Variants in CCNY observed in about 807,000 individuals in gnomAD.
CCNY encodes the protein cyclin Y, also known as cyclin-Y.
CCNY carries 19 observed loss-of-function variants against 42.8 expected under a neutral mutation model. The observed-to-expected ratio is 0.44, with a 90% CI of 0.31 to 0.65. The LOEUF is 0.65. Among genes scored for constraint, CCNY ranks in the 30% least tolerant of loss-of-function variants. The pLI, the probability that CCNY is intolerant of heterozygous loss-of-function variation, is 0.07. For synonymous variants in CCNY, 165 were observed against 162.7 expected (o/e 1.01, Z -0.11); for missense variants, 370 against 437.3 (o/e 0.85, Z 1.37).
intron 1 of CCNY, among the ~76,000 whole-genome samples, chr10:35,414,901 T>A (rs1009278833): frequency 6.6e-6 from 1 of 152,172 alleles, no homozygotes; most frequent in African/African-American, 2.4e-5. Flanking sequence ...GCAATTGAGC[T>A]GAAGCCTTGT....
At chr10:35,408,694 A>G (rs888165986) in intron 1 of CCNY, among the ~76,000 whole-genome samples, 2 of 152,126 alleles carry the variant, frequency 1.3e-5, no homozygotes, top group African/African-American at 4.8e-5. Flanking sequence ...GGCCATCTGG[A>G]TGTATACGTG....
chr10:35,532,176 C>A (rs1291773684), intron 7 of CCNY, among the ~76,000 whole-genome samples: 1 of 152,216 alleles, frequency 6.6e-6, no homozygotes, highest in African/African-American at 2.4e-5. Flanking sequence ...CAGCTGCATG[C>A]TTGTGGGTAG....
chr10:35,502,141 C>G (rs1840123294), intron 3 of CCNY, among the ~76,000 whole-genome samples: 1 of 152,216 alleles, frequency 6.6e-6, no homozygotes, highest in Admixed American at 6.5e-5. Flanking sequence ...TACTTCATCC[C>G]TCTTCCTTCC....
chr10:35,355,131 C>T (rs758779558), intron 1 of CCNY, among the ~76,000 whole-genome samples: 9 of 152,062 alleles, frequency 5.9e-5, no homozygotes, highest in Middle Eastern at 3.4e-3. Context: ...GTTTGGGGTA[C>T]GGACATGAGT....
intron 3 of CCNY, among the ~76,000 whole-genome samples, chr10:35,286,988 A>T (rs1435548757): frequency 6.6e-6 from 1 of 152,214 alleles, no homozygotes; most frequent in Non-Finnish European, 1.5e-5. Context: ...TTTCTCTATC[A>T]AAAAGAGCAA....
intron 1 of CCNY, among the ~76,000 whole-genome samples, chr10:35,395,242 G>A (rs1178939917): frequency 6.6e-6 from 1 of 152,158 alleles, no homozygotes; most frequent in African/African-American, 2.4e-5. Context: ...GAAAAGCTAT[G>A]TGTTGTTCCA....
chr10:35,447,231 C>A (rs565572036), intron 1 of CCNY, among the ~76,000 whole-genome samples: 1 of 152,194 alleles, frequency 6.6e-6, no homozygotes, highest in African/African-American at 2.4e-5. Flanking sequence ...GAGCTGAGAT[C>A]GTGCCACCGC....
At chr10:35,536,050 G>T (rs1840879835) in intron 7 of CCNY, among the ~76,000 whole-genome samples, 1 of 152,206 alleles carries the variant, frequency 6.6e-6, no homozygotes, top group Non-Finnish European at 1.5e-5. Flanking sequence ...GTTTGGCTGT[G>T]TCCCCACCCA....
chr10:35,541,191 T>C (rs1453797892), intron 7 of CCNY, among the ~76,000 whole-genome samples: 1 of 152,186 alleles, frequency 6.6e-6, no homozygotes, highest in African/African-American at 2.4e-5. Context: ...TGGGTTATAC[T>C]TTCATTTCCA....
At chr10:35,406,175 CTTTTTCTTTTTT>C (rs1459104332) in intron 1 of CCNY, among the ~76,000 whole-genome samples, 1 of 111,184 alleles carries the variant, frequency 9.0e-6, no homozygotes, top group African/African-American at 3.7e-5. Flanking sequence ...ATTTTTGGAG[CTTTTTCTTTTTT>C]TTTTTCTTTT....
chr10:35,478,396 A>C (rs1423342728), intron 1 of CCNY, among the ~76,000 whole-genome samples: 5 of 151,798 alleles, frequency 3.3e-5, no homozygotes, highest in Admixed American at 2.0e-4. Flanking sequence ...CTATACTACA[A>C]GGCTACAGTA....
chr10:35,407,030 A>G (rs536849428), intron 1 of CCNY, among the ~76,000 whole-genome samples: 2 of 152,370 alleles, frequency 1.3e-5, no homozygotes, highest in Non-Finnish European at 2.9e-5. Context: ...GTTGTTGTCA[A>G]ACAGGCCTTG....
At chr10:35,357,243 G>A (rs1192530000) in intron 1 of CCNY, among the ~76,000 whole-genome samples, 1 of 113,514 alleles carries the variant, frequency 8.8e-6, no homozygotes, top group Non-Finnish European at 1.7e-5. Context: ...TTACCTTTAT[G>A]AGGTAATGTT....
Position 35,480,326 on chromosome 10 carries a change from A to C in CCNY, c.155-3078A>C, listed in dbSNP as rs549854901. On this transcript the variant is annotated intron_variant, in intron 1 of 9. Coordinates refer to ENST00000374704, the MANE Select transcript of CCNY (RefSeq NM_145012.6). Reference sequence around the variant, plus strand: ...ACCTTTCATAGGGAGAGTGTGAGACATAATCCTGCTGCTTGGCTTCCCCCA... The same window carrying C: ...ACCTTTCATAGGGAGAGTGTGAGACCTAATCCTGCTGCTTGGCTTCCCCCA... Among the ~76,000 whole-genome samples, 7 of 152,258 alleles carry C rather than the reference A, an allele frequency of 4.6e-5. No individual in the cohort carries two copies. The South Asian group carries it at 1.5e-3, about 32-fold the overall frequency.
At chr10:35,404,695 G>T (rs1057398322) in intron 1 of CCNY, among the ~76,000 whole-genome samples, 1 of 152,136 alleles carries the variant, frequency 6.6e-6, no homozygotes, top group Non-Finnish European at 1.5e-5. Flanking sequence ...ATCCAAACAT[G>T]CCCAGGAAGG....
chr10:35,507,660 G>A (rs1589166411), intron 3 of CCNY, among the ~76,000 whole-genome samples: 1 of 152,162 alleles, frequency 6.6e-6, no homozygotes, highest in African/African-American at 2.4e-5. Context: ...GTTTTTCTGT[G>A]GTATGGGTTT....
At chr10:35,454,043 C>G (rs1838976487) in intron 1 of CCNY, among the ~76,000 whole-genome samples, 1 of 152,194 alleles carries the variant, frequency 6.6e-6, no homozygotes, top group Non-Finnish European at 1.5e-5. Flanking sequence ...AAACACTATA[C>G]TGTACTGTGA....
intron 3 of CCNY, among the ~76,000 whole-genome samples, chr10:35,513,035 G>T (rs951676413): frequency 2.8e-4 from 43 of 151,772 alleles, no homozygotes; most frequent in African/African-American, 1.0e-3. Context: ...TCATTATTTG[G>T]GACACATGAT....
At chr10:35,326,894 A>T (rs1835886452) in intron 3 of CCNY, among the ~76,000 whole-genome samples, 1 of 151,548 alleles carries the variant, frequency 6.6e-6, no homozygotes, top group South Asian at 2.1e-4. Context: ...CTCTTAAAAC[A>T]AACAAACAAA....
Sources: gnomAD v4.1 joint callset for allele counts (sites outside exome capture counted in the v4.1 genomes callset) on GRCh38, gnomAD v4.1.1 for gene constraint, MANE v1.5 for transcripts, NCBI Gene and HGNC (gene_info 2026-07-23, HGNC 2026-07-21) for gene names.